SLC2A11: variants seen among roughly 807,000 people sequenced by gnomAD.
SLC2A11 encodes solute carrier family 2 member 11.
Under a neutral mutation model 52.1 loss-of-function variants are expected in SLC2A11, and 43 were observed. The ratio of observed to expected loss-of-function variants is 0.82; its 90% CI spans 0.65 to 1.06. The LOEUF (loss-of-function observed/expected upper bound fraction) is 1.06, where lower values mean the gene tolerates loss of function less well. Among genes scored for constraint, SLC2A11 ranks in the 50% least tolerant of loss-of-function variants. The pLI is 0.00. For missense variants in SLC2A11, 582 were observed against 654.2 expected (o/e 0.89, Z 1.20); for synonymous variants, 261 against 277.6 (o/e 0.94, Z 0.59).
chr22:23,871,807 T>C (rs1430716633), intron 3 of SLC2A11: 1 of 152,262 alleles, frequency 6.6e-6, no homozygotes, highest in African/African-American at 2.4e-5. Context: ...CATTACCTTT[T>C]GGGTCCAAGC....
chr22:23,871,491 G>A (rs1466480935), intron 3 of SLC2A11: 2 of 151,680 alleles, frequency 1.3e-5, no homozygotes, highest in African/African-American at 4.9e-5. Flanking sequence ...TGTAATCCCA[G>A]CACTTTGGGA....
At chr22:23,857,134 C>A (rs574701335), upstream of SLC2A11, 10 of 1,184,704 alleles carry the variant, frequency 8.4e-6, no homozygotes, top group Non-Finnish European at 1.2e-5. Flanking sequence ...CTTGGCCCTC[C>A]GGAGAACGCC....
upstream of SLC2A11, chr22:23,857,658 A>G: frequency 9.1e-7 from 1 of 1,093,934 alleles, no homozygotes; most frequent in Non-Finnish European, 1.3e-6. Flanking sequence ...AAAAACGCTG[A>G]GTCCGCGCAT....
rs200093458 is a variant in SLC2A11 at position 23,877,130 on chromosome 22, T to G, written c.504T>G (p.Phe168Leu). 3 of 1,613,780 alleles carry G rather than the reference T, an allele frequency of 1.9e-6. No homozygotes were observed. In the Admixed American group the frequency reaches 5.0e-5, roughly 27 times the overall value. The change falls in exon 5 of 12, where the codon TTT becomes TTG. Residue 168 changes from phenylalanine to leucine, a missense_variant. Physicochemically the swap from Phe to Leu is conservative, Grantham distance 22. Transcript: ENST00000316185. ...RGAVAMSSAI[F>L]TALGIVMGQV... ...CTGTGGCCATGAGCTCAGCCATCTT[T>G]ACGGCTCTGGGGATCGTGATGGGAC...
At position 23,884,120 on chromosome 22, in the gene SLC2A11, C is replaced by T. The variant is rs2032921289; in HGVS notation, c.1171+96C>T. The T allele has an allele frequency of 4.6e-6, 7 of 1,532,642 alleles. No homozygotes were observed. Among genetic ancestry groups the T allele is most frequent in the Non-Finnish European group, 6.2e-6 (7 of 1,136,106 alleles). 94.9% of individuals were successfully genotyped at this position (1,532,642 alleles called of 1,614,324 possible). On this transcript the variant is annotated intron_variant, in intron 10 of 11. Transcript: ENST00000316185. This position sits in a 1 kb window ranked among gnomAD's most constrained non-coding sequence, Gnocchi z 4.3. ...TGGGTGGGTGTGAATGCAATGTCCC[C>T]TGCAGGCCCTCAGAGACCACCTCAT...
At chr22:23,868,384 C>G in intron 2 of SLC2A11, 97 bp from the exon 3 acceptor site, 2 of 1,462,188 alleles carry the variant, frequency 1.4e-6, no homozygotes, top group Non-Finnish European at 1.9e-6. Context: ...ATTGCCTGTT[C>G]TGCAGAGGCA....
At chr22:23,868,049 T>C (rs2032327608) in intron 2 of SLC2A11, 1 of 296,740 alleles carries the variant, frequency 3.4e-6, no homozygotes, top group African/African-American at 2.2e-5. Context: ...TCTTGTGGAA[T>C]GGAGCCCTTT....
At chr22:23,869,859 G>A in intron 3 of SLC2A11, 1 of 612,338 alleles carries the variant, frequency 1.6e-6, no homozygotes. Flanking sequence ...TCCTCACATG[G>A]CAGAAAGGGC....
At position 23,868,568 on chromosome 22, in the gene SLC2A11, A is replaced by G. The variant is rs774785590; in HGVS notation, c.217A>G (p.Ile73Val). 1.2e-5 allele frequency: 20 copies of G among 1,614,088 alleles called. No homozygotes were observed. In the South Asian group the frequency reaches 1.4e-4, roughly 12 times the overall value. ...CCTAGTCCTGCTTATGTGGTCCCTCATCGTGTCTCTGTATCCCCTGGGAGG... is the reference window on the plus strand; with the variant it reads ...CCTAGTCCTGCTTATGTGGTCCCTCGTCGTGTCTCTGTATCCCCTGGGAGG... ...DHLVLLMWSLIVSLYPLGGLF... is the reference protein window; with the variant it reads ...DHLVLLMWSLVVSLYPLGGLF... The change falls in exon 3 of 12, where the codon ATC (isoleucine) becomes GTC (valine). Residue 73 changes from isoleucine (I) to valine (V), a missense_variant. Ile to Val is a conservative substitution (Grantham distance 29). Coordinates refer to ENST00000316185, the MANE Select transcript of SLC2A11 (RefSeq NM_001024939.4).
chr22:23,866,031 C>T (rs918101419), intron 2 of SLC2A11: 2 of 152,032 alleles, frequency 1.3e-5, no homozygotes, highest in African/African-American at 4.8e-5. Flanking sequence ...CAACAGGGCA[C>T]AATGGCATGG....
rs2032974372 is a variant in SLC2A11 at position 23,885,601 on chromosome 22, G to A, written c.*752G>A. 1 of 151,652 alleles carries A rather than the reference G, an allele frequency of 6.6e-6. No individual in the cohort carries two copies. The highest frequency in any genetic ancestry group is 6.6e-5 in the Admixed American group (1 of 15,226). The allele number at this position is 151,652 out of a possible 1,614,324, so 9.4% of individuals were successfully genotyped here. ...CATGCCTGTGGTCCCAGCTACTCAG[G>A]AGGCTGAAATGGGAGGATCACTTGA... On this transcript the variant is annotated 3_prime_UTR_variant, in exon 12 of 12. Coordinates refer to ENST00000316185, the MANE Select transcript of SLC2A11 (RefSeq NM_001024939.4).
chr22:23,857,012 T>C, upstream of SLC2A11: 2 of 1,547,796 alleles, frequency 1.3e-6, no homozygotes, highest in Non-Finnish European at 1.8e-6. Context: ...CTTTCGGTCT[T>C]TCCTAATTTT....
At position 23,881,004 on chromosome 22, in the gene SLC2A11, C is replaced by T. The variant is rs528254300; in HGVS notation, c.695-1455C>T. On this transcript the variant is annotated intron_variant, in intron 6 of 11. Transcript: ENST00000316185. ...TCATTTCTCCAGCCTCATCGCCGTC[C>T]TCTGCCTCGTCTTGGAACTGATACC... 5 of 152,146 alleles carry T rather than the reference C, an allele frequency of 3.3e-5. No homozygotes were observed. In the East Asian group the frequency reaches 9.7e-4, roughly 29 times the overall value. The allele number at this position is 152,146 out of a possible 1,614,324, so 9.4% of individuals were successfully genotyped here.
chr22:23,857,148 G>A (rs111862932), upstream of SLC2A11: 63 of 1,083,308 alleles, frequency 5.8e-5, 2 homozygotes, highest in Middle Eastern at 6.9e-4. Context: ...GAACGCCCAG[G>A]GGCAGTGGCC....
Position 23,884,256 on chromosome 22 carries a change from C to A in SLC2A11, c.1172-46C>A. The A allele has an allele frequency of 1.3e-6, 2 of 1,585,416 alleles. No individual in the cohort carries two copies. The highest frequency in any genetic ancestry group is 1.8e-4 in the Middle Eastern group (1 of 5,566). On this transcript the variant is annotated intron_variant, in intron 10 of 11. Coordinates refer to ENST00000316185, the MANE Select transcript of SLC2A11 (RefSeq NM_001024939.4). The surrounding 1 kb of genome is among the most constrained non-coding windows in gnomAD (Gnocchi z 4.3). ...TGGGCTGGGGTCGGGGAGAGGCAGG[C>A]AGGGAACCCTGGCCAGCAGCCCCCT... is the stretch of plus-strand genomic sequence containing the variant.
chr22:23,857,071 TGTGGGG>T, upstream of SLC2A11: 26 of 301,202 alleles, frequency 8.6e-5, no homozygotes, highest in African/African-American at 1.6e-4. Context: ...AGTGTGTGTG[TGTGGGG>T]GGGGGGGGGT....
rs754598305 is a variant in SLC2A11, at chr22:23,858,072, G to A, written c.30+43G>A. On this transcript the variant is annotated intron_variant, in intron 1 of 11. Transcript: ENST00000316185. ...TGCCCAGACCAGGCGTTTCAGATGA[G>A]GGATTGCGGACCTGAGTGAACTGCG... 21 of 1,552,130 alleles carry A rather than the reference G, an allele frequency of 1.4e-5. No individual in the cohort carries two copies. In the South Asian group the frequency reaches 2.4e-4, roughly 18 times the overall value.
intron 6 of SLC2A11, chr22:23,880,632 C>T (rs1234059536): frequency 6.6e-6 from 1 of 152,162 alleles, no homozygotes; most frequent in African/African-American, 2.4e-5. Context: ...GGCTTCCTGG[C>T]AGTGCTCTGG....
In SLC2A11 at chr22:23,884,438, G is replaced by C; in HGVS notation, c.1299+9G>C. ...GATTTCCCTTTATCATGGTAGGCCC[G>C]CCCCTCCCGCTGGGGGCCCTGCCTT... On this transcript the variant is annotated intron_variant, in intron 11 of 11. Coordinates refer to ENST00000316185, the MANE Select transcript of SLC2A11 (RefSeq NM_001024939.4). The surrounding 1 kb of genome is among the most constrained non-coding windows in gnomAD (Gnocchi z 4.3). 1 of 1,611,302 alleles carries C rather than the reference G, an allele frequency of 6.2e-7. No individual in the cohort carries two copies. The highest frequency in any genetic ancestry group is 1.1e-5 in the South Asian group (1 of 90,718).
Sources: gnomAD v4.1 joint callset for allele counts on GRCh38, gnomAD v4.1.1 for gene constraint, Gnocchi (gnomAD v3.1) non-coding constraint, MANE v1.5 for transcripts, NCBI Gene and HGNC (gene_info 2026-07-23, HGNC 2026-07-21) for gene names.